SEZ6: variants seen among roughly 807,000 people sequenced by gnomAD.
The protein encoded by SEZ6 is seizure related 6 homolog, also known as seizure protein 6 homolog.
SEZ6 carries 53 observed loss-of-function variants against 101.0 expected under a neutral mutation model. The observed-to-expected ratio is 0.52, with a 90% CI of 0.42 to 0.66. SEZ6 has a LOEUF of 0.66. SEZ6 is among the 30% of genes least tolerant of loss of function. The pLI, the probability that SEZ6 is intolerant of heterozygous loss-of-function variation, is 0.00. For missense variants in SEZ6, 1,102 were observed against 1,289.4 expected (o/e 0.85, Z 2.23); for synonymous variants, 488 against 512.2 (o/e 0.95, Z 0.64).
intron 2 of SEZ6, 65 bp from the exon 3 acceptor site, chr17:28,979,878 A>G (rs1598198365): frequency 7.5e-7 from 1 of 1,328,520 alleles, no homozygotes. Flanking sequence ...CTAAGGCTGA[A>G]CCGTGTGTGT....
chr17:28,968,736 C>T (rs553087970), intron 4 of SEZ6, among the ~76,000 whole-genome samples: 21 of 152,306 alleles, frequency 1.4e-4, no homozygotes, highest in African/African-American at 2.6e-4. Flanking sequence ...CTCTTCTGCC[C>T]GGCTGTGGTC....
chr17:28,994,177 A>G (rs2041504350), intron 1 of SEZ6, among the ~76,000 whole-genome samples: 1 of 152,120 alleles, frequency 6.6e-6, no homozygotes, highest in South Asian at 2.1e-4. Flanking sequence ...GGCCTCGAGC[A>G]TGGATGGAGC....
intron 3 of SEZ6, among the ~76,000 whole-genome samples, chr17:28,972,825 C>T (rs941487694): frequency 2.6e-5 from 4 of 152,002 alleles, no homozygotes; most frequent in African/African-American, 4.8e-5. Context: ...GGGGGGAGAG[C>T]GAAGGGCTCA....
chr17:29,004,270 C>T (rs967185384), intron 1 of SEZ6, among the ~76,000 whole-genome samples: 3 of 152,232 alleles, frequency 2.0e-5, no homozygotes, highest in African/African-American at 7.2e-5. Context: ...CCCAGGGGAG[C>T]TGTCCAGCGC....
chr17:28,995,475 C>T (rs1004363464), intron 1 of SEZ6, among the ~76,000 whole-genome samples: 1 of 152,070 alleles, frequency 6.6e-6, no homozygotes, highest in East Asian at 1.9e-4. Flanking sequence ...TCATCTACAC[C>T]ATCTGATTAA....
In SEZ6 at chr17:28,981,862, T is replaced by C. The variant is rs1390585097; in HGVS notation, c.233A>G (p.Gln78Arg). 1 of 1,613,870 alleles carries C rather than the reference T, an allele frequency of 6.2e-7. No individual in the cohort carries two copies. The highest frequency in any genetic ancestry group is 8.5e-7 in the Non-Finnish European group (1 of 1,179,850). Reference protein sequence around the residue: ...NHHPLLEEFLQEGLEKGDEEL... With the variant: ...NHHPLLEEFLREGLEKGDEEL... Reference sequence around the variant, plus strand: ...CTCATCTCCCTTTTCCAGCCCCTCTTGTAGGAATTCCTCAAGCAGCGGGTG... The same window carrying C: ...CTCATCTCCCTTTTCCAGCCCCTCTCGTAGGAATTCCTCAAGCAGCGGGTG... Residue 78 changes from glutamine (Q) to arginine (R), a missense_variant, in exon 2 of 17, where the codon CAA (glutamine) becomes CGA (arginine). Coordinates refer to ENST00000317338, the MANE Select transcript of SEZ6 (RefSeq NM_178860.5).
chr17:28,979,842 G>A (rs749962860), intron 2 of SEZ6, 29 bp from the exon 3 acceptor site: 1 of 1,592,840 alleles, frequency 6.3e-7, no homozygotes, highest in South Asian at 1.1e-5. Context: ...CACAAAGCTA[G>A]TGCCAGCTCT....
chr17:28,975,758 T>C (rs1365679994), intron 3 of SEZ6, among the ~76,000 whole-genome samples: 1 of 152,198 alleles, frequency 6.6e-6, no homozygotes, highest in Non-Finnish European at 1.5e-5. Context: ...TATCAAACTG[T>C]CAGCTGGCCT....
intron 4 of SEZ6, among the ~76,000 whole-genome samples, chr17:28,968,966 A>T (rs1567988173): frequency 6.6e-6 from 1 of 152,220 alleles, no homozygotes; most frequent in African/African-American, 2.4e-5. Flanking sequence ...CCTGCCAGTC[A>T]TGTAATACTG....
Position 28,981,381 on chromosome 17 carries a change from G to A in SEZ6, c.714C>T (p.Val238=), listed in dbSNP as rs748312615. The A allele has an allele frequency of 4.5e-6, 7 of 1,549,804 alleles. No homozygotes were observed. Among genetic ancestry groups the A allele is most frequent in the African/African-American group, 4.1e-5 (3 of 73,076 alleles). ...CAGCAGGTAGCTGACCTGGTGTCTG[G>A]ACTGTGGTGATGGTGGTGGTGATGA... The part of the protein sequence containing the change: ...TTIITTTITT[V]QTPGPCSWNF... The change falls in exon 2 of 17, where the codon GTC becomes GTT. Residue 238 remains valine, a synonymous_variant. Coordinates refer to ENST00000317338, the MANE Select transcript of SEZ6 (RefSeq NM_178860.5).
chr17:28,965,595 C>T (rs1354499444), intron 4 of SEZ6, among the ~76,000 whole-genome samples: 1 of 150,698 alleles, frequency 6.6e-6, no homozygotes, highest in African/African-American at 2.4e-5. Flanking sequence ...ACTATGATTG[C>T]ACCACTGCGC....
In SEZ6 at chr17:28,956,197, T is replaced by C; in HGVS notation, c.2914A>G (p.Ile972Val). 2.6e-6 allele frequency: 2 copies of C among 771,508 alleles called. No homozygotes were observed. The highest frequency in any genetic ancestry group is 1.9e-6 in the Non-Finnish European group (1 of 520,372). The allele number at this position is 771,508 out of a possible 1,614,324, so 47.8% of individuals were successfully genotyped here. Reference sequence around the variant, plus strand: ...GTTGGATTGTCAAACGCTGACTCTATGGTAATGCGGTTGTAGGGGCGGGGG... The same window carrying C: ...GTTGGATTGTCAAACGCTGACTCTACGGTAATGCGGTTGTAGGGGCGGGGG... ...PRPRPYNRIT[I>V]ESAFDNPTYE... is the part of the protein sequence containing the mutation. Residue 972 changes from isoleucine (I) to valine (V), a missense_variant, in exon 16 of 17, where the codon ATA (isoleucine) becomes GTA (valine). This residue lies in a region of SEZ6 where 140 missense variants were observed against 135.7 expected (regional missense o/e 1.03). Transcript: ENST00000317338.
intron 1 of SEZ6, among the ~76,000 whole-genome samples, chr17:28,995,164 C>A (rs934556552): frequency 6.6e-6 from 1 of 152,202 alleles, no homozygotes; most frequent in African/African-American, 2.4e-5. Context: ...TGAGCCACCG[C>A]GCCCGGCCGA....
At chr17:28,974,606 TGA>T (rs1417027147) in intron 3 of SEZ6, among the ~76,000 whole-genome samples, 1 of 152,164 alleles carries the variant, frequency 6.6e-6, no homozygotes, top group African/African-American at 2.4e-5. Flanking sequence ...TCAGGGAAGT[TGA>T]GAGATCCTCT....
In SEZ6 at chr17:28,957,152, A is replaced by G. The variant is rs370148138; in HGVS notation, c.2585T>C (p.Ile862Thr). The G allele has an allele frequency of 6.2e-7, 1 of 1,613,836 alleles. No homozygotes were observed. The highest frequency in any genetic ancestry group is 8.5e-7 in the Non-Finnish European group (1 of 1,179,868). The change falls in exon 13 of 17, where the codon ATC becomes ACC. Residue 862 changes from isoleucine (I) to threonine (T), a missense_variant. Coordinates refer to ENST00000317338, the MANE Select transcript of SEZ6 (RefSeq NM_178860.5). Reference protein sequence around the residue: ...EKQLHPAGATIHFSCAPGYVL... With the variant: ...EKQLHPAGATTHFSCAPGYVL... ...ATAGCCAGGGGCACACGAGAAGTGG[A>G]TGGTGGCCCCTGCTGGGTGTAGCTG...
In SEZ6 at chr17:28,979,666, T is replaced by C. The variant is rs112386509; in HGVS notation, c.858+14A>G. 5.6e-4 allele frequency: 897 copies of C among 1,613,916 alleles called. 5 individuals are homozygous for C. In the African/African-American group the frequency reaches 0.01, roughly 19 times the overall value. ...CCGCCCCAGCTTTGCCCTTGCCAGA[T>C]CCAGATCACTCACCTTGATTTCCAC... is the stretch of plus-strand genomic sequence containing the variant. On this transcript the variant is annotated intron_variant, in intron 3 of 16. Transcript: ENST00000317338.
chr17:28,980,198 GTTTT>G (rs1012108369), intron 2 of SEZ6, among the ~76,000 whole-genome samples: 2 of 137,898 alleles, frequency 1.5e-5, no homozygotes, highest in African/African-American at 5.8e-5. Flanking sequence ...AATGAGGTTT[GTTTT>G]CTTTCTTTTT....
At chr17:28,982,955 C>T (rs574875456) in intron 1 of SEZ6, among the ~76,000 whole-genome samples, 8 of 151,400 alleles carry the variant, frequency 5.3e-5, no homozygotes, top group South Asian at 4.3e-4. Flanking sequence ...CATGAGCCAC[C>T]GCACCCGACC....
At chr17:28,992,271 A>G (rs1230504760) in intron 1 of SEZ6, among the ~76,000 whole-genome samples, 1 of 152,200 alleles carries the variant, frequency 6.6e-6, no homozygotes, top group Non-Finnish European at 1.5e-5. Context: ...AAAGTGACAA[A>G]TAGAGTTTGA....
Sources: allele counts gnomAD v4.1 joint callset (sites outside exome capture counted in the v4.1 genomes callset), GRCh38; gene constraint gnomAD v4.1.1; regional missense constraint gnomAD v4.1.1; transcripts MANE v1.5; gene names NCBI Gene and HGNC (gene_info 2026-07-23, HGNC 2026-07-21).